Variants in NBAS observed in about 807,000 individuals in gnomAD.
NBAS encodes NBAS subunit of NRZ tethering complex, also known as NAG/BC035112 fusion.
NBAS carries 219 observed loss-of-function variants against 302.5 expected under a neutral mutation model. The observed-to-expected ratio is 0.72, with a 90% CI of 0.65 to 0.81. The LOEUF (loss-of-function observed/expected upper bound fraction) is 0.81, where lower values mean the gene tolerates loss of function less well. NBAS is among the 30% of genes least tolerant of loss of function. The pLI is 0.00. For missense variants in NBAS, 2,932 were observed against 2,841.6 expected (o/e 1.03, Z -0.72); for synonymous variants, 1,118 against 1,021.6 (o/e 1.09, Z -1.80).
the NBAS span, among the ~76,000 whole-genome samples, chr2:15,106,306 A>T: frequency 6.6e-6 from 1 of 152,112 alleles, no homozygotes; most frequent in Non-Finnish European, 1.5e-5. Flanking sequence ...AGACACTAGA[A>T]ATCCTGCTCT....
At position 15,554,123 on chromosome 2, in the gene NBAS, C is replaced by T. The variant is rs745797907; in HGVS notation, c.225G>A (p.Leu75=). 1 of 1,613,502 alleles carries T rather than the reference C, an allele frequency of 6.2e-7. No individual in the cohort carries two copies. Among genetic ancestry groups the T allele is most frequent in the South Asian group, 1.1e-5 (1 of 90,996 alleles). ...QYIWYSPAPF[L]LPDGLVRLVN... is the part of the protein sequence containing the mutation. ...CCAAGCGAACCAGTCCATCAGGGAGCAAAAAAGGTGCCGGGCTGAAATCAC... is the reference window on the plus strand; with the variant it reads ...CCAAGCGAACCAGTCCATCAGGGAGTAAAAAAGGTGCCGGGCTGAAATCAC... Residue 75 remains leucine (L), a synonymous_variant, in exon 4 of 52, where the codon TTG becomes TTA. Coordinates refer to ENST00000281513, the MANE Select transcript of NBAS (RefSeq NM_015909.4).
chr2:15,050,720 G>A, the NBAS span, among the ~76,000 whole-genome samples: 2 of 152,200 alleles, frequency 1.3e-5, no homozygotes, highest in Non-Finnish European at 1.5e-5. Flanking sequence ...GTGACAGCCT[G>A]ACAGGCCCCA....
intron 38 of NBAS, among the ~76,000 whole-genome samples, chr2:15,316,626 C>A (rs775131148): frequency 1.3e-5 from 2 of 152,206 alleles, no homozygotes; most frequent in Non-Finnish European, 2.9e-5. Flanking sequence ...TCACTGCTAG[C>A]GCAGCAGTCT....
chr2:15,024,764 T>C, the NBAS span, among the ~76,000 whole-genome samples: 2 of 152,236 alleles, frequency 1.3e-5, no homozygotes, highest in Non-Finnish European at 2.9e-5. Flanking sequence ...ATGTATGTCT[T>C]CTTTTGAAAA....
chr2:15,274,354 C>G (rs1669469629), intron 44 of NBAS, among the ~76,000 whole-genome samples: 1 of 152,098 alleles, frequency 6.6e-6, no homozygotes, highest in Admixed American at 6.5e-5. Context: ...ATAATACTAA[C>G]TAAAATAACA....
the NBAS span, among the ~76,000 whole-genome samples, chr2:15,136,967 A>C: frequency 6.6e-6 from 1 of 152,326 alleles, no homozygotes; most frequent in South Asian, 2.1e-4. Flanking sequence ...TGAGTCAATT[A>C]AACCTCTTTT....
intron 28 of NBAS, chr2:15,393,728 C>T (rs868310196): frequency 7.7e-5 from 36 of 470,214 alleles, no homozygotes; most frequent in African/African-American, 6.2e-4. Context: ...GGTAAACAGG[C>T]TGTGAAAAAT....
chr2:14,783,921 G>A, the NBAS span, among the ~76,000 whole-genome samples: 1 of 151,200 alleles, frequency 6.6e-6, no homozygotes, highest in Non-Finnish European at 1.5e-5. Flanking sequence ...GGTTGAACTA[G>A]TTTACAGTCC....
At chr2:15,370,736 T>G (rs1207581042) in intron 31 of NBAS, among the ~76,000 whole-genome samples, 4 of 152,246 alleles carry the variant, frequency 2.6e-5, no homozygotes, top group African/African-American at 4.8e-5. Flanking sequence ...CCCTTTGCTT[T>G]GGCCAATTTC....
At chr2:15,421,235 T>C (rs1458104697) in intron 23 of NBAS, among the ~76,000 whole-genome samples, 1 of 152,224 alleles carries the variant, frequency 6.6e-6, no homozygotes, top group African/African-American at 2.4e-5. Context: ...AGTGATAGTC[T>C]GAACACACAG....
the NBAS span, among the ~76,000 whole-genome samples, chr2:14,881,083 ACC>A: frequency 6.6e-6 from 1 of 152,186 alleles, no homozygotes. Context: ...CACAGAATCC[ACC>A]TAAGTGTCCA....
the NBAS span, among the ~76,000 whole-genome samples, chr2:15,127,596 A>G: frequency 1.3e-5 from 2 of 152,196 alleles, no homozygotes; most frequent in Non-Finnish European, 2.9e-5. Context: ...CCTCGATATT[A>G]AGGCTGTTCT....
chr2:15,556,714 A>C, intron 3 of NBAS, 69 bp downstream of exon 3: 2 of 1,386,816 alleles, frequency 1.4e-6, no homozygotes, highest in Non-Finnish European at 2.0e-6. Context: ...TATGAAAACA[A>C]ATCATATATA....
chr2:15,422,685 C>A lies in NBAS; in HGVS notation c.2577+1630G>T, dbSNP rs545241427. On this transcript the variant is annotated intron_variant, in intron 23 of 51. Coordinates refer to ENST00000281513, the MANE Select transcript of NBAS (RefSeq NM_015909.4). ...CAAAAATTGAGGAATCATTAATGAT[C>A]TTTTAAAATTCATGATACTGATTGC... Among the ~76,000 whole-genome samples the A allele has an allele frequency of 3.9e-5, 6 of 152,196 alleles. No homozygotes were observed. The South Asian group carries it at 1.2e-3, about 32-fold the overall frequency.
At chr2:15,100,004 T>C in the NBAS span, among the ~76,000 whole-genome samples, 2 of 152,190 alleles carry the variant, frequency 1.3e-5, no homozygotes, top group Admixed American at 6.5e-5. Context: ...TGGATTAAAG[T>C]GCAGATGTTT....
intron 19 of NBAS, 75 bp from the exon 20 acceptor site, chr2:15,461,866 C>T (rs1392009083): frequency 1.2e-6 from 1 of 800,730 alleles, no homozygotes; most frequent in Non-Finnish European, 2.1e-6. Flanking sequence ...TATTAAAAAC[C>T]TTTACAACTC....
chr2:15,311,018 T>A (rs1423681835), intron 38 of NBAS, among the ~76,000 whole-genome samples: 2 of 152,196 alleles, frequency 1.3e-5, no homozygotes, highest in South Asian at 4.1e-4. Context: ...AGTCCTGGGA[T>A]CAAAGCTCAG....
Position 15,353,674 on chromosome 2 carries a change from C to A in NBAS, c.3968G>T (p.Gly1323Val), listed in dbSNP as rs1369651309. Residue 1323 changes from glycine (G) to valine (V), a missense_variant, in exon 34 of 52, where the codon GGA becomes GTA. Physicochemically the swap from Gly to Val is moderately radical, Grantham distance 109. Coordinates refer to ENST00000281513, the MANE Select transcript of NBAS (RefSeq NM_015909.4). ...CAAGTCCTGGTAACCTTCTGATTGT[C>A]CTAACTGGCTACAAACATCCCAACT... is the stretch of plus-strand genomic sequence containing the variant. ...PKSWDVCSQL[G>V]QSEGYQDLAT... 2 of 1,613,896 alleles carry A rather than the reference C, an allele frequency of 1.2e-6. No homozygotes were observed. Among genetic ancestry groups the A allele is most frequent in the Non-Finnish European group, 1.7e-6 (2 of 1,179,948 alleles).
the NBAS span, among the ~76,000 whole-genome samples, chr2:15,025,818 C>T: frequency 2.0e-5 from 3 of 152,102 alleles, no homozygotes; most frequent in Non-Finnish European, 4.4e-5. Context: ...GATTTTGTAT[C>T]CTGAAACTTC....
Sources: gnomAD v4.1 joint callset for allele counts (sites outside exome capture counted in the v4.1 genomes callset) on GRCh38, gnomAD v4.1.1 for gene constraint, MANE v1.5 for transcripts, NCBI Gene and HGNC (gene_info 2026-07-23, HGNC 2026-07-21) for gene names.